FMN1: variants seen among roughly 807,000 people sequenced by gnomAD.
FMN1 encodes the protein formin-1.
A neutral mutation model predicts 132.4 loss-of-function variants in FMN1; 110 were observed. The ratio of observed to expected loss-of-function variants is 0.83; its 90% CI spans 0.71 to 0.97. The LOEUF (loss-of-function observed/expected upper bound fraction) is 0.97. Among genes scored for constraint, FMN1 ranks in the 50% least tolerant of loss-of-function variants. The probability of loss-of-function intolerance (pLI) is 0.00; values close to 1 mark genes in which losing one functional copy is unlikely to be tolerated. For missense variants in FMN1, 1,792 were observed against 1,705.3 expected, an observed-to-expected ratio of 1.05 and a Z score of -0.90; for synonymous variants, 722 against 651.7, an observed-to-expected ratio of 1.11 and a Z score of -1.64.
intron 5 of FMN1, among the ~76,000 whole-genome samples, chr15:33,069,784 T>C (rs939799572): frequency 1.3e-5 from 2 of 152,178 alleles, no homozygotes; most frequent in African/African-American, 4.8e-5. Flanking sequence ...CTCTGTTTGC[T>C]CCTGATCATA....
chr15:33,162,935 A>T (rs1964953211), intron 3 of FMN1, among the ~76,000 whole-genome samples: 1 of 152,188 alleles, frequency 6.6e-6, no homozygotes, highest in Admixed American at 6.5e-5. Context: ...TGGTCAACAT[A>T]GTGAAACCCC....
rs112663904 is a variant in FMN1, at chr15:32,780,373, G to A, written c.4131-3454C>T. Among the ~76,000 whole-genome samples the A allele has an allele frequency of 9.9e-3, 1,512 of 152,188 alleles. 17 individuals are homozygous for A. The highest frequency in any genetic ancestry group is 0.035 in the African/African-American group (1,435 of 41,528). On this transcript the variant is annotated intron_variant, in intron 19 of 20. Coordinates refer to ENST00000616417, the MANE Select transcript of FMN1 (RefSeq NM_001277313.2). ...GATGGCCACCTAGTGACCTCTGGTC[G>A]TCCTCACTGCTACACTCCCATTAGT... is the stretch of plus-strand genomic sequence containing the variant.
chr15:32,926,328 C>A, intron 9 of FMN1, 67 bp from the exon 10 acceptor site: 1 of 864,342 alleles, frequency 1.2e-6, no homozygotes, highest in Non-Finnish European at 1.8e-6. Flanking sequence ...AGGACGCACA[C>A]CAAAAACATT....
intron 6 of FMN1, among the ~76,000 whole-genome samples, chr15:33,011,721 G>C (rs2034737105): frequency 1.3e-5 from 2 of 151,940 alleles, no homozygotes; most frequent in Non-Finnish European, 2.9e-5. Flanking sequence ...TCAAGATCTA[G>C]TGTAAATATA....
chr15:33,059,662 T>G (rs928510383), intron 6 of FMN1, among the ~76,000 whole-genome samples: 1 of 152,242 alleles, frequency 6.6e-6, no homozygotes, highest in Non-Finnish European at 1.5e-5. Flanking sequence ...TTATTACACA[T>G]AATTTATCAA....
chr15:33,004,872 G>C (rs2034326385), intron 7 of FMN1, among the ~76,000 whole-genome samples: 1 of 152,164 alleles, frequency 6.6e-6, no homozygotes, highest in African/African-American at 2.4e-5. Flanking sequence ...AAAATGATGA[G>C]TTCATGTCCT....
chr15:33,148,739 C>A (rs1034087896), intron 4 of FMN1, among the ~76,000 whole-genome samples: 11 of 152,296 alleles, frequency 7.2e-5, no homozygotes, highest in African/African-American at 2.6e-4. Flanking sequence ...TGTGAGTAAT[C>A]CAGGGGCCTC....
At chr15:32,916,577 G>T (rs996109561) in intron 10 of FMN1, among the ~76,000 whole-genome samples, 1 of 152,170 alleles carries the variant, frequency 6.6e-6, no homozygotes, top group Non-Finnish European at 1.5e-5. Flanking sequence ...GGCTCACCAG[G>T]TTTCGGCTGA....
At chr15:33,123,675 T>C (rs1962779624) in intron 4 of FMN1, among the ~76,000 whole-genome samples, 1 of 152,108 alleles carries the variant, frequency 6.6e-6, no homozygotes, top group South Asian at 2.1e-4. Flanking sequence ...ACAGATTAAG[T>C]TTTCCAAGAC....
intron 17 of FMN1, among the ~76,000 whole-genome samples, chr15:32,806,723 C>T (rs2057695386): frequency 6.6e-6 from 1 of 152,208 alleles, no homozygotes; most frequent in African/African-American, 2.4e-5. Context: ...ATTGGAGGAT[C>T]TTTGCACTTG....
intron 6 of FMN1, among the ~76,000 whole-genome samples, chr15:33,011,455 T>C (rs971970146): frequency 6.6e-6 from 1 of 151,996 alleles, no homozygotes; most frequent in Admixed American, 6.5e-5. Flanking sequence ...AAATTGTAAA[T>C]ATTTTATAAT....
chr15:33,190,561 G>A (rs536656965), intron 2 of FMN1, among the ~76,000 whole-genome samples: 61 of 152,222 alleles, frequency 4.0e-4, no homozygotes, highest in Non-Finnish European at 6.9e-4. Flanking sequence ...TACTCACGTG[G>A]GGGAAAAATG....
chr15:32,898,402 T>C (rs1211040865), intron 15 of FMN1, among the ~76,000 whole-genome samples: 2 of 152,226 alleles, frequency 1.3e-5, no homozygotes, highest in Admixed American at 1.3e-4. Flanking sequence ...AGATGGATTT[T>C]TCAAATTCTA....
Position 33,112,996 on chromosome 15 carries a change from C to T in FMN1, c.1868-24022G>A, listed in dbSNP as rs143207323. On this transcript the variant is annotated intron_variant, in intron 4 of 20. Transcript: ENST00000616417. ...CCTTCGCTGTTAGGTGCTTTGACAA[C>T]AGTGTCTTCTCTATTTTCTTCACAA... Among the ~76,000 whole-genome samples the T allele has an allele frequency of 4.1e-3, 628 of 152,330 alleles. 5 individuals carry two copies. Among genetic ancestry groups the T allele is most frequent in the African/African-American group, 0.014 (576 of 41,576 alleles).
chr15:32,942,122 C>T (rs2061414245), intron 9 of FMN1, among the ~76,000 whole-genome samples: 1 of 152,212 alleles, frequency 6.6e-6, no homozygotes, highest in East Asian at 1.9e-4. Context: ...GGGCATGTCA[C>T]ACGTGCGTAC....
chr15:32,856,929 C>T, intron 17 of FMN1, 86 bp downstream of exon 17: 2 of 935,940 alleles, frequency 2.1e-6, no homozygotes, highest in African/African-American at 1.6e-5. Flanking sequence ...AGCCAGGATG[C>T]CAGGGGCCGT....
chr15:33,036,214 G>A (rs1408185563), intron 6 of FMN1, among the ~76,000 whole-genome samples: 2 of 152,128 alleles, frequency 1.3e-5, no homozygotes, highest in South Asian at 2.1e-4. Context: ...GGGCAGAACC[G>A]TTTTTCTGCT....
chr15:33,124,123 G>A (rs1439547834), intron 4 of FMN1, among the ~76,000 whole-genome samples: 1 of 152,172 alleles, frequency 6.6e-6, no homozygotes, highest in Non-Finnish European at 1.5e-5. Context: ...TCAGTCCTGG[G>A]TTGAGGATCA....
intron 5 of FMN1, among the ~76,000 whole-genome samples, chr15:33,086,337 AAAAC>A (rs1324240889): frequency 4.6e-5 from 7 of 151,122 alleles, no homozygotes; most frequent in East Asian, 1.9e-4. Flanking sequence ...CTCTCATTGA[AAAAC>A]AAACCATACT....
Sources: allele counts gnomAD v4.1 joint callset (sites outside exome capture counted in the v4.1 genomes callset), GRCh38; gene constraint gnomAD v4.1.1; transcripts MANE v1.5; gene names NCBI Gene and HGNC (gene_info 2026-07-23, HGNC 2026-07-21).